Variants in GBX2 observed in about 807,000 individuals in gnomAD.
GBX2 encodes homeobox protein GBX-2.
Under a neutral mutation model 22.4 loss-of-function variants are expected in GBX2, and 5 were observed. The observed-to-expected ratio is 0.22, with a 90% CI of 0.12 to 0.47. GBX2 has a LOEUF of 0.47. Among genes scored for constraint, GBX2 ranks in the 20% least tolerant of loss-of-function variants. The pLI, the probability that GBX2 is intolerant of heterozygous loss-of-function variation, is 0.99. For synonymous variants in GBX2, 220 were observed against 230.5 expected, an observed-to-expected ratio of 0.95 and a Z score of 0.41; for missense variants, 470 against 495.4, an observed-to-expected ratio of 0.95 and a Z score of 0.49.
chr2:236,167,821 G>A lies in GBX2; in HGVS notation c.151C>T (p.Arg51Trp). ...GGCGGCGGCGGCAGCACTACCGGCC[G>A]GTAGGGCATGAACATGGGGTAGCCG... ...YTGYPMFMPY[R>W]PVVLPPPPPP... The change falls in exon 1 of 2, where the codon CGG becomes TGG. Residue 51 changes from arginine (R) to tryptophan (W), a missense_variant. Arg to Trp is a moderately radical substitution (Grantham distance 101). Coordinates refer to ENST00000306318, the MANE Select transcript of GBX2 (RefSeq NM_001485.4). 1 of 1,452,338 alleles carries A rather than the reference G, an allele frequency of 6.9e-7. No homozygotes were observed. Among genetic ancestry groups the A allele is most frequent in the Non-Finnish European group, 9.1e-7 (1 of 1,098,212 alleles). The allele number at this position is 1,452,338 out of a possible 1,614,324, so 90.0% of individuals were successfully genotyped here. A position where few individuals can be genotyped will look rare whatever the true frequency, so the allele number is the denominator to read the frequency against.
chr2:236,163,715 G>C (rs535997895), downstream of GBX2, among the ~76,000 whole-genome samples: 1 of 152,056 alleles, frequency 6.6e-6, no homozygotes, highest in Non-Finnish European at 1.5e-5. Context: ...GTCGGGGGAC[G>C]GCGTCCCTGC....
chr2:236,167,553 T>G lies in GBX2; in HGVS notation c.419A>C (p.Lys140Thr), dbSNP rs1286414760. The G allele has an allele frequency of 1.3e-6, 2 of 1,598,806 alleles. No individual in the cohort carries two copies. Among genetic ancestry groups the G allele is most frequent in the Admixed American group, 1.7e-5 (1 of 59,334 alleles). ...CGCGTCAGCCTGCAGCGCCTCCGCC[T>G]TGTCGAAGTTACCGCCGCCGGGCAG... ...QPLPGGGNFD[K>T]AEALQADAED... Residue 140 changes from lysine to threonine, a missense_variant, in exon 1 of 2, where the codon AAG becomes ACG. Lys to Thr is a moderately conservative substitution (Grantham distance 78). Transcript: ENST00000306318.
chr2:236,163,845 C>A (rs1372621892), downstream of GBX2, among the ~76,000 whole-genome samples: 1 of 152,166 alleles, frequency 6.6e-6, no homozygotes, highest in South Asian at 2.1e-4. Flanking sequence ...CTTGCGGCCC[C>A]CGCGCCAGGC....
rs1471217051 is a variant in GBX2, at chr2:236,167,966, G to A, written c.6C>T (p.Ser2=). The A allele has an allele frequency of 1.3e-6, 2 of 1,555,328 alleles. No individual in the cohort carries two copies. The highest frequency in any genetic ancestry group is 2.9e-5 in the African/African-American group (2 of 70,094). The change falls in exon 1 of 2, where the codon AGC becomes AGT. Residue 2 remains serine (S), a synonymous_variant. Transcript: ENST00000306318. ...TCATCAGCGACGGCGGGAACGCTGC[G>A]CTCATAGACGCGCTCGGTAGAGGCC... M[S]AAFPPSLMMM...
In GBX2 at chr2:236,166,538, C is replaced by A; in HGVS notation, c.524-101G>T. On this transcript the variant is annotated intron_variant, in intron 1 of 1. Coordinates refer to ENST00000306318, the MANE Select transcript of GBX2 (RefSeq NM_001485.4). This position sits in a 1 kb window ranked among gnomAD's most constrained non-coding sequence, Gnocchi z 6.6. ...ACATTCCGCGCCCCCCGCCCCCCAC[C>A]CTTTAGCGGATTGTCTTTCTATGAC... The A allele has an allele frequency of 9.6e-7, 1 of 1,042,454 alleles. No homozygotes were observed. The highest frequency in any genetic ancestry group is 1.4e-6 in the Non-Finnish European group (1 of 700,704). The allele number at this position is 1,042,454 out of a possible 1,614,324, so 64.6% of individuals were successfully genotyped here.
chr2:236,164,309 G>A (rs1041604948), downstream of GBX2, among the ~76,000 whole-genome samples: 32 of 152,186 alleles, frequency 2.1e-4, no homozygotes, highest in Admixed American at 1.4e-3. Context: ...GGCTGGCGAA[G>A]CCCCGGCTTC....
Position 236,168,048 on chromosome 2 carries a change from G to C in GBX2, c.-77C>G. On this transcript the variant is annotated 5_prime_UTR_variant, in exon 1 of 2. Coordinates refer to ENST00000306318, the MANE Select transcript of GBX2 (RefSeq NM_001485.4). ...GCCGCCGGGAAGCCCGCCGGACGCC[G>C]GGAGCACCGCCGGGAGCGCCGGGCA... 2 of 1,337,314 alleles carry C rather than the reference G, an allele frequency of 1.5e-6. No individual in the cohort carries two copies. The highest frequency in any genetic ancestry group is 3.1e-5 in the African/African-American group (2 of 64,624). 82.8% of individuals were successfully genotyped at this position (1,337,314 alleles called of 1,614,324 possible).
chr2:236,168,382 C>G lies in GBX2; in HGVS notation c.-411G>C, dbSNP rs1042955690. ...TTATCTCCGGCGGGCGCAGCCAGCA[C>G]CTTTAAATCGCGCTCCTCTTTCTCA... On this transcript the variant is annotated 5_prime_UTR_variant, in exon 1 of 2. Transcript: ENST00000306318. 5 of 156,066 alleles carry G rather than the reference C, an allele frequency of 3.2e-5. No homozygotes were observed. Among genetic ancestry groups the G allele is most frequent in the African/African-American group, 1.2e-4 (5 of 41,652 alleles). The allele number at this position is 156,066 out of a possible 1,614,324, so 9.7% of individuals were successfully genotyped here. A position where few individuals can be genotyped will look rare whatever the true frequency, so the allele number is the denominator to read the frequency against.
Position 236,168,024 on chromosome 2 carries a change from C to CCGCCGGGAAGCCCGCCGGA in GBX2, c.-72_-54dup, listed in dbSNP as rs960759014. ...GGCGAAAAGTCCCCGCGCCGCGCCGCCGCCGGGAAGCCCGCCGGACGCCGG... is the reference window on the plus strand; with the variant it reads ...GGCGAAAAGTCCCCGCGCCGCGCCGCCGCCGGGAAGCCCGCCGGACGCCGGGAAGCCCGCCGGACGCCGG... On this transcript the variant is annotated 5_prime_UTR_variant, in exon 1 of 2. Coordinates refer to ENST00000306318, the MANE Select transcript of GBX2 (RefSeq NM_001485.4). 2.2e-6 allele frequency: 3 copies of CCGCCGGGAAGCCCGCCGGA among 1,388,064 alleles called. No homozygotes were observed. In the African/African-American group the frequency reaches 4.6e-5, roughly 21 times the overall value. The allele number at this position is 1,388,064 out of a possible 1,614,324, so 86.0% of individuals were successfully genotyped here.
At chr2:236,161,982 A>G (rs1282740118), downstream of GBX2, among the ~76,000 whole-genome samples, 1 of 152,250 alleles carries the variant, frequency 6.6e-6, no homozygotes, top group Non-Finnish European at 1.5e-5. Flanking sequence ...ACCACCCGCC[A>G]TGGGGCATAA....
chr2:236,165,949 T>A lies in GBX2; in HGVS notation c.1012A>T (p.Ser338Cys). 6.2e-7 allele frequency: 1 copy of A among 1,614,124 alleles called. No homozygotes were observed. Among genetic ancestry groups the A allele is most frequent in the Non-Finnish European group, 8.5e-7 (1 of 1,180,000 alleles). Residue 338 changes from serine to cysteine, a missense_variant, in exon 2 of 2, where the codon AGT becomes TGT. Physicochemically the swap from Ser to Cys is moderately radical, Grantham distance 112. Around this residue, in one of 4 missense-constraint regions of GBX2, gnomAD observed 50 missense variants for 59.1 expected, o/e 0.85. Coordinates refer to ENST00000306318, the MANE Select transcript of GBX2 (RefSeq NM_001485.4). ...GCCTGTTCTAGCTGCTGATGCTGAC[T>A]TCTGATAGCGAACCTGCTGACGTGG... is the stretch of plus-strand genomic sequence containing the variant. ...PVHVSRFAIR[S>C]QHQQLEQARP is the part of the protein sequence containing the mutation.
downstream of GBX2, among the ~76,000 whole-genome samples, chr2:236,161,837 C>T (rs1001442332): frequency 2.0e-5 from 3 of 152,250 alleles, no homozygotes; most frequent in Non-Finnish European, 4.4e-5. Flanking sequence ...AGGGTCTCTG[C>T]TGCCCGCGCT....
In GBX2 at chr2:236,165,767, C is replaced by T; in HGVS notation, c.*147G>A. 3.1e-6 allele frequency: 2 copies of T among 655,200 alleles called. No homozygotes were observed. The highest frequency in any genetic ancestry group is 1.9e-5 in the South Asian group (1 of 52,160). The allele number at this position is 655,200 out of a possible 1,614,324, so 40.6% of individuals were successfully genotyped here. A position where few individuals can be genotyped will look rare whatever the true frequency, so the allele number is the denominator to read the frequency against. The stretch of plus-strand genomic sequence containing the variant: ...CCCTTCAAAAGCAGTCTTTTAAGCC[C>T]ATTTAGTGAATATATTCTCAATTTG... On this transcript the variant is annotated 3_prime_UTR_variant, in exon 2 of 2. Transcript: ENST00000306318.
Position 236,167,851 on chromosome 2 carries a change from A to C in GBX2, c.121T>G (p.Tyr41Asp). Residue 41 changes from tyrosine to aspartate, a missense_variant, in exon 1 of 2, where the codon TAC becomes GAC. This residue lies in a region of GBX2 where 377 missense variants were observed against 358.6 expected (regional missense o/e 1.05). Transcript: ENST00000306318. ...PPQPSPGHFV[Y>D]TGYPMFMPYR... ...GGCATGAACATGGGGTAGCCGGTGT[A>C]GACGAAATGGCCGGGGCTGGGCTGC... 1 of 1,523,470 alleles carries C rather than the reference A, an allele frequency of 6.6e-7. No individual in the cohort carries two copies. The highest frequency in any genetic ancestry group is 8.8e-7 in the Non-Finnish European group (1 of 1,137,096). 94.4% of individuals were successfully genotyped at this position (1,523,470 alleles called of 1,614,324 possible). A position where few individuals can be genotyped will look rare whatever the true frequency, so the allele number is the denominator to read the frequency against.
At position 236,167,817 on chromosome 2, in the gene GBX2, G is replaced by C; in HGVS notation, c.155C>G (p.Pro52Arg). The C allele has an allele frequency of 1.5e-5, 21 of 1,445,670 alleles. No homozygotes were observed. Among genetic ancestry groups the C allele is most frequent in the Non-Finnish European group, 1.9e-5 (21 of 1,094,630 alleles). The allele number at this position is 1,445,670 out of a possible 1,614,324, so 89.6% of individuals were successfully genotyped here. A position where few individuals can be genotyped will look rare whatever the true frequency, so the allele number is the denominator to read the frequency against. ...CGGCGGCGGCGGCGGCAGCACTACCGGCCGGTAGGGCATGAACATGGGGTA... is the reference window on the plus strand; with the variant it reads ...CGGCGGCGGCGGCGGCAGCACTACCCGCCGGTAGGGCATGAACATGGGGTA... ...TGYPMFMPYR[P>R]VVLPPPPPPP... The change falls in exon 1 of 2, where the codon CCG becomes CGG. Residue 52 changes from proline to arginine, a missense_variant. Physicochemically the swap from Pro to Arg is moderately radical, Grantham distance 103 (BLOSUM62 -2). This residue lies in a region of GBX2 where 377 missense variants were observed against 358.6 expected (regional missense o/e 1.05). Transcript: ENST00000306318.
chr2:236,161,912 T>A (rs2060215478), downstream of GBX2, among the ~76,000 whole-genome samples: 1 of 152,096 alleles, frequency 6.6e-6, no homozygotes, highest in Non-Finnish European at 1.5e-5. Context: ...CAGAGTGTGA[T>A]CCAAAGGCTC....
At position 236,167,789 on chromosome 2, in the gene GBX2, C is replaced by T; in HGVS notation, c.183G>A (p.Pro61=). The change falls in exon 1 of 2, where the codon CCG becomes CCA. Residue 61 remains proline, a synonymous_variant. Coordinates refer to ENST00000306318, the MANE Select transcript of GBX2 (RefSeq NM_001485.4). ...RPVVLPPPPP[P]PPALPQAALQ... Reference sequence around the variant, plus strand: ...GCGCGGCCTGGGGCAGCGCGGGCGGCGGCGGCGGCGGCGGCGGCAGCACTA... The same window carrying T: ...GCGCGGCCTGGGGCAGCGCGGGCGGTGGCGGCGGCGGCGGCGGCAGCACTA... The T allele has an allele frequency of 2.2e-6, 3 of 1,391,640 alleles. No homozygotes were observed. The highest frequency in any genetic ancestry group is 2.8e-6 in the Non-Finnish European group (3 of 1,069,176). The allele number at this position is 1,391,640 out of a possible 1,614,324, so 86.2% of individuals were successfully genotyped here. A position where few individuals can be genotyped will look rare whatever the true frequency, so the allele number is the denominator to read the frequency against.
chr2:236,166,473 C>G lies in GBX2; in HGVS notation c.524-36G>C. ...AACCAAACGGCATTTTATTACATTT[C>G]GCACACTGGCCTTCCTTTCTCCTTC... is the stretch of plus-strand genomic sequence containing the variant. On this transcript the variant is annotated intron_variant, in intron 1 of 1. Coordinates refer to ENST00000306318, the MANE Select transcript of GBX2 (RefSeq NM_001485.4). This position sits in a 1 kb window ranked among gnomAD's most constrained non-coding sequence, Gnocchi z 6.6. The G allele has an allele frequency of 6.3e-7, 1 of 1,581,308 alleles. No individual in the cohort carries two copies. Among genetic ancestry groups the G allele is most frequent in the Non-Finnish European group, 8.6e-7 (1 of 1,160,080 alleles).
intron 1 of GBX2, chr2:236,167,005 G>A (rs1171764186): frequency 1.2e-6 from 1 of 809,366 alleles, no homozygotes; most frequent in Non-Finnish European, 2.0e-6. Context: ...CACAGGCACA[G>A]CCTCCCAGCA....
Sources: gnomAD v4.1 joint callset for allele counts (sites outside exome capture counted in the v4.1 genomes callset) on GRCh38, gnomAD v4.1.1 for gene constraint, gnomAD v4.1.1 regional missense constraint, Gnocchi (gnomAD v3.1) non-coding constraint, MANE v1.5 for transcripts, NCBI Gene and HGNC (gene_info 2026-07-23, HGNC 2026-07-21) for gene names.